Variants in ANKIB1 observed in about 807,000 individuals in gnomAD.
ANKIB1 encodes the protein ankyrin repeat and IBR domain-containing protein 1.
Under a neutral mutation model 122.1 loss-of-function variants are expected in ANKIB1, and 43 were observed. The ratio of observed to expected loss-of-function variants is 0.35; its 90% CI spans 0.28 to 0.45. ANKIB1 has a LOEUF of 0.45. ANKIB1 is among the 20% of genes least tolerant of loss of function. ANKIB1 has a pLI of 1.00. For synonymous variants in ANKIB1, 390 were observed against 442.0 expected, an observed-to-expected ratio of 0.88 and a Z score of 1.48; for missense variants, 992 against 1,329.5, an observed-to-expected ratio of 0.75 and a Z score of 3.95.
At position 92,362,222 on chromosome 7, in the gene ANKIB1, C is replaced by G; in HGVS notation, c.1435C>G (p.Gln479Glu). The G allele has an allele frequency of 2.5e-6, 4 of 1,601,408 alleles. No homozygotes were observed. The highest frequency in any genetic ancestry group is 3.4e-6 in the Non-Finnish European group (4 of 1,173,792). ...TGAAGCACATGAGCCTTGTGACTGC[C>G]AAACATGGAAGAATTGGCTGCAAAA... ...LGEAHEPCDCQTWKNWLQKIT... is the reference protein window; with the variant it reads ...LGEAHEPCDCETWKNWLQKIT... Residue 479 changes from glutamine (Q) to glutamate (E), a missense_variant, in exon 10 of 20, where the codon CAA becomes GAA. Physicochemically the swap from Gln to Glu is conservative, Grantham distance 29 (BLOSUM62 2). Around this residue, in one of 4 missense-constraint regions of ANKIB1, gnomAD observed 521 missense variants for 777.7 expected, o/e 0.67. Transcript: ENST00000265742.
At chr7:92,269,455 T>TAC (rs1801738380) in intron 1 of ANKIB1, among the ~76,000 whole-genome samples, 1 of 152,252 alleles carries the variant, frequency 6.6e-6, no homozygotes, top group Non-Finnish European at 1.5e-5. Flanking sequence ...GTCTTTGTGT[T>TAC]ACCTTGCGCT....
At position 92,398,937 on chromosome 7, in the gene ANKIB1, AC is replaced by A; in HGVS notation, c.3259del (p.His1087IlefsTer2). ...QTSSDWLEQV[H>X]LV is the part of the protein sequence containing the mutation. ...CCTCAAGTGACTGGCTTGAACAAGTACATTTAGTGTGAACTGCACACATCTG... is the reference window on the plus strand; with the variant it reads ...CCTCAAGTGACTGGCTTGAACAAGTAATTTAGTGTGAACTGCACACATCTG... On this transcript the variant is annotated frameshift_variant, in exon 20 of 20. Coordinates refer to ENST00000265742, the MANE Select transcript of ANKIB1 (RefSeq NM_019004.2). LOFTEE classifies it high-confidence loss of function. The A allele has an allele frequency of 1.3e-6, 2 of 1,576,800 alleles. No individual in the cohort carries two copies. Among genetic ancestry groups the A allele is most frequent in the Non-Finnish European group, 1.7e-6 (2 of 1,161,478 alleles).
intron 2 of ANKIB1, among the ~76,000 whole-genome samples, chr7:92,296,353 G>A (rs940658050): frequency 6.6e-6 from 1 of 151,944 alleles, no homozygotes; most frequent in East Asian, 1.9e-4. Context: ...TTCCCAAGTA[G>A]CTAGGACTAC....
At chr7:92,289,846 TGGCTCTATCACCCA>T (rs1802210315) in intron 1 of ANKIB1, among the ~76,000 whole-genome samples, 2 of 152,366 alleles carry the variant, frequency 1.3e-5, no homozygotes, top group East Asian at 3.9e-4. Context: ...AAGTTAAGTC[TGGCTCTATCACCCA>T]GGCTGGAGTT....
intron 3 of ANKIB1, among the ~76,000 whole-genome samples, chr7:92,316,509 T>C (rs1191397096): frequency 1.3e-5 from 2 of 152,214 alleles, no homozygotes; most frequent in African/African-American, 4.8e-5. Flanking sequence ...AGTCTAATGC[T>C]ACAAACATGG....
At chr7:92,389,870 TC>T in intron 14 of ANKIB1, 100 bp from the exon 15 acceptor site, 1 of 1,246,984 alleles carries the variant, frequency 8.0e-7, no homozygotes, top group South Asian at 1.5e-5. Flanking sequence ...GTCCTAATGA[TC>T]CTTCTTTTTC....
At chr7:92,353,110 A>T (rs1381883188) in intron 9 of ANKIB1, among the ~76,000 whole-genome samples, 1 of 152,172 alleles carries the variant, frequency 6.6e-6, no homozygotes, top group Non-Finnish European at 1.5e-5. Context: ...GAGCTCCCAA[A>T]ATTACCAAGG....
chr7:92,278,636 A>G (rs1435154702), intron 1 of ANKIB1, among the ~76,000 whole-genome samples: 1 of 152,264 alleles, frequency 6.6e-6, no homozygotes, highest in African/African-American at 2.4e-5. Flanking sequence ...GCATTTTCTT[A>G]GAACAATATA....
At position 92,307,376 on chromosome 7, in the gene ANKIB1, A is replaced by G. The variant is rs995933424; in HGVS notation, c.206A>G (p.Asp69Gly). ...CATTTTAGGACTTTTCTTGGTAGAG[A>G]TGGAAATCCAAATAAACGGAATGTG... ...NKILGTFLGRDGNPNKRNVHN... is the reference protein window; with the variant it reads ...NKILGTFLGRGGNPNKRNVHN... The change falls in exon 3 of 20, where the codon GAT becomes GGT. Residue 69 changes from aspartate (D) to glycine (G), a missense_variant. Around this residue, in one of 4 missense-constraint regions of ANKIB1, gnomAD observed 54 missense variants for 112.3 expected, o/e 0.48. Coordinates refer to ENST00000265742, the MANE Select transcript of ANKIB1 (RefSeq NM_019004.2). 6.2e-7 allele frequency: 1 copy of G among 1,610,722 alleles called. No individual in the cohort carries two copies. Among genetic ancestry groups the G allele is most frequent in the Non-Finnish European group, 8.5e-7 (1 of 1,177,748 alleles).
At chr7:92,355,515 A>G (rs1186423492) in intron 9 of ANKIB1, among the ~76,000 whole-genome samples, 1 of 152,144 alleles carries the variant, frequency 6.6e-6, no homozygotes, top group Non-Finnish European at 1.5e-5. Flanking sequence ...ACAGTCAAAC[A>G]TATTTTATTC....
intron 1 of ANKIB1, among the ~76,000 whole-genome samples, chr7:92,254,043 G>A (rs1321666398): frequency 2.0e-5 from 3 of 152,172 alleles, no homozygotes; most frequent in Non-Finnish European, 4.4e-5. Context: ...AGCTGGTCTA[G>A]TGTAAGGAAG....
rs117453488 is a variant in ANKIB1 at position 92,258,521 on chromosome 7, G to A, written c.-91+12002G>A. Among the ~76,000 whole-genome samples, 774 of 152,232 alleles carry A rather than the reference G, an allele frequency of 5.1e-3. 4 individuals carry two copies. Among genetic ancestry groups the A allele is most frequent in the Non-Finnish European group, 8.2e-3 (555 of 68,016 alleles). ...CTGCTGCTAATTGCTGTTGTCTTTT[G>A]TATGAAATTAATTTGTTTCTCTCCT... On this transcript the variant is annotated intron_variant, in intron 1 of 19. Coordinates refer to ENST00000265742, the MANE Select transcript of ANKIB1 (RefSeq NM_019004.2).
chr7:92,306,936 A>C (rs1802574163), intron 2 of ANKIB1, among the ~76,000 whole-genome samples: 1 of 152,220 alleles, frequency 6.6e-6, no homozygotes, highest in Admixed American at 6.5e-5. Flanking sequence ...TGTATGCAAC[A>C]AATAGATCAG....
intron 15 of ANKIB1, among the ~76,000 whole-genome samples, chr7:92,390,662 A>G (rs1804765764): frequency 6.6e-6 from 1 of 152,148 alleles, no homozygotes; most frequent in Non-Finnish European, 1.5e-5. Context: ...GTCCTCTGCT[A>G]ATTTATATCC....
intron 11 of ANKIB1, among the ~76,000 whole-genome samples, chr7:92,382,674 A>T (rs919419807): frequency 2.6e-5 from 4 of 152,204 alleles, no homozygotes; most frequent in Non-Finnish European, 4.4e-5. Context: ...AGAAATAAAG[A>T]TGTTCTTTGA....
chr7:92,381,091 C>T (rs1436774542), intron 11 of ANKIB1, among the ~76,000 whole-genome samples: 17 of 151,924 alleles, frequency 1.1e-4, no homozygotes, highest in African/African-American at 2.2e-4. Flanking sequence ...AACCATGGCA[C>T]GAGAACTATG....
At chr7:92,329,264 C>A (rs1803103260) in intron 5 of ANKIB1, among the ~76,000 whole-genome samples, 1 of 152,158 alleles carries the variant, frequency 6.6e-6, no homozygotes, top group Non-Finnish European at 1.5e-5. Flanking sequence ...CCGCACCCAG[C>A]CTACCTTCAA....
chr7:92,280,508 A>AT lies in ANKIB1; in HGVS notation c.-90-14378dup, dbSNP rs1254035025. On this transcript the variant is annotated intron_variant, in intron 1 of 19. Transcript: ENST00000265742. The stretch of plus-strand genomic sequence containing the variant: ...AGCTTTACTCCAGCCTTGGGAGTTG[A>AT]TTTAACCTTTATCCCTGGCACTTGG... Among the ~76,000 whole-genome samples, 21 of 135,718 alleles carry AT rather than the reference A, an allele frequency of 1.5e-4. No individual in the cohort carries two copies. The Admixed American group carries it at 1.6e-3, about 10-fold the overall frequency. The allele number at this position is 135,718 out of a possible 152,430, so 89.0% of individuals were successfully genotyped here.
intron 5 of ANKIB1, among the ~76,000 whole-genome samples, chr7:92,334,287 T>G (rs759513443): frequency 2.0e-5 from 3 of 152,136 alleles, no homozygotes; most frequent in Non-Finnish European, 4.4e-5. Context: ...TAACATATAA[T>G]TATCCTGTAC....
Sources: gnomAD v4.1 joint callset for allele counts (sites outside exome capture counted in the v4.1 genomes callset) on GRCh38, gnomAD v4.1.1 for gene constraint, gnomAD v4.1.1 regional missense constraint, MANE v1.5 for transcripts, NCBI Gene and HGNC (gene_info 2026-07-23, HGNC 2026-07-21) for gene names.